GRK4: variants seen among roughly 807,000 people sequenced by gnomAD.
GRK4 encodes G protein-coupled receptor kinase 2-like.
GRK4 carries 73 observed loss-of-function variants against 77.9 expected under a neutral mutation model. The observed-to-expected ratio is 0.94, with a 90% CI of 0.78 to 1.14. GRK4 has a LOEUF of 1.14. Ranked by LOEUF, GRK4 falls within the 50% of genes most tolerant of loss-of-function variation. The pLI is 0.00. For missense variants in GRK4, 729 were observed against 700.2 expected (o/e 1.04, Z -0.46); for synonymous variants, 257 against 254.4 (o/e 1.01, Z -0.10).
intron 15 of GRK4, 48 bp downstream of exon 15, chr4:3,038,561 A>AT: frequency 1.3e-6 from 2 of 1,563,642 alleles, no homozygotes; most frequent in Admixed American, 4.1e-5. Flanking sequence ...TGAAAAAAAA[A>AT]AAAACATACT....
chr4:3,025,317 G>A (rs180987054), intron 10 of GRK4, among the ~76,000 whole-genome samples: 154 of 150,274 alleles, frequency 1.0e-3, no homozygotes, highest in African/African-American at 3.2e-3. Flanking sequence ...CCTTCTGTGC[G>A]GTTAAACCAC....
At chr4:2,969,152 A>G (rs1048629572) in intron 1 of GRK4, 1 of 152,406 alleles carries the variant, frequency 6.6e-6, no homozygotes, top group African/African-American at 2.4e-5. Context: ...GATCAGAGAG[A>G]TGCTGAAGGT....
chr4:3,000,401 TGA>T (rs1729167235), intron 4 of GRK4, among the ~76,000 whole-genome samples: 1 of 152,154 alleles, frequency 6.6e-6, no homozygotes, highest in African/African-American at 2.4e-5. Flanking sequence ...TCAGAAAAAT[TGA>T]GACTTTGGAG....
At chr4:3,027,019 C>T (rs1343508394) in intron 10 of GRK4, among the ~76,000 whole-genome samples, 1 of 152,202 alleles carries the variant, frequency 6.6e-6, no homozygotes, top group Non-Finnish European at 1.5e-5. Context: ...TCTTTCTACA[C>T]ACTCAACAGA....
At chr4:2,966,675 A>G (rs1285829595) in intron 1 of GRK4, 2 of 152,224 alleles carry the variant, frequency 1.3e-5, no homozygotes, top group African/African-American at 4.8e-5. Context: ...AGTATCTCCC[A>G]GGAAGTACCA....
intron 4 of GRK4, among the ~76,000 whole-genome samples, chr4:3,001,323 A>G (rs1729714159): frequency 7.2e-6 from 1 of 138,132 alleles, no homozygotes; most frequent in Non-Finnish European, 1.5e-5. Context: ...GTGTGAGTAC[A>G]TATACACACA....
At chr4:2,964,220 C>T (rs1716705420) in intron 1 of GRK4, 98 bp downstream of exon 1, 2 of 1,047,810 alleles carry the variant, frequency 1.9e-6, no homozygotes, top group South Asian at 2.8e-5. Flanking sequence ...CCCGGAGAAC[C>T]CCGATTTCCC....
In GRK4 at chr4:2,963,863, C is replaced by G. The variant is rs930429095; in HGVS notation, c.-208C>G. ...CCCCCTCCCCTCGCCCCGACCGCTCCCCTGCTGGTGAGGGCCTGCGGAGGC... is the reference window on the plus strand; with the variant it reads ...CCCCCTCCCCTCGCCCCGACCGCTCGCCTGCTGGTGAGGGCCTGCGGAGGC... On this transcript the variant is annotated 5_prime_UTR_variant, in exon 1 of 16. Transcript: ENST00000398052. The G allele has an allele frequency of 2.3e-5, 14 of 601,608 alleles. No individual in the cohort carries two copies. Among genetic ancestry groups the G allele is most frequent in the African/African-American group, 3.9e-5 (2 of 51,360 alleles). The allele number at this position is 601,608 out of a possible 1,614,324, so 37.3% of individuals were successfully genotyped here. A position where few individuals can be genotyped will look rare whatever the true frequency, so the allele number is the denominator to read the frequency against.
chr4:2,986,354 C>CTTTTTTTTTT lies in GRK4; in HGVS notation c.148+1758_148+1767dup, dbSNP rs36001597. ...GTTCTTTATATATAAAAGGTGTTAT[C>CTTTTTTTTTT]TTTTTTTTTTTTTTTTTTTTTGAGA... On this transcript the variant is annotated intron_variant, in intron 2 of 15. Coordinates refer to ENST00000398052, the MANE Select transcript of GRK4 (RefSeq NM_182982.3). Among the ~76,000 whole-genome samples the CTTTTTTTTTT allele has an allele frequency of 3.8e-4, 28 of 73,258 alleles. 1 individual carries two copies. Among genetic ancestry groups the CTTTTTTTTTT allele is most frequent in the African/African-American group, 1.4e-3 (25 of 17,750 alleles). The allele number at this position is 73,258 out of a possible 152,430, so 48.1% of individuals were successfully genotyped here.
At chr4:2,987,846 C>G (rs1477749006) in intron 2 of GRK4, among the ~76,000 whole-genome samples, 1 of 151,940 alleles carries the variant, frequency 6.6e-6, no homozygotes, top group African/African-American at 2.4e-5. Flanking sequence ...CAAGCCAAGG[C>G]AGGTGGATCA....
chr4:3,019,041 G>A (rs1434252485), intron 8 of GRK4, among the ~76,000 whole-genome samples: 4 of 152,150 alleles, frequency 2.6e-5, no homozygotes, highest in Non-Finnish European at 4.4e-5. Flanking sequence ...GTGTATGTGT[G>A]TGTGTGTGAA....
At chr4:3,012,467 A>G (rs1389783868) in intron 7 of GRK4, among the ~76,000 whole-genome samples, 2 of 152,206 alleles carry the variant, frequency 1.3e-5, no homozygotes, top group African/African-American at 4.8e-5. Flanking sequence ...ATTACGGGTG[A>G]GTTTTTATCA....
At position 2,963,580 on chromosome 4, in the gene GRK4, C is replaced by A. The variant is rs555027244; in HGVS notation, c.-491C>A. ...GGGCCTTCTGGGAGCTGTAGTGCCC[C>A]GGCCGCGGCGGCGAGGGGCGCTCCC... On this transcript the variant is annotated 5_prime_UTR_variant, in exon 1 of 16. Transcript: ENST00000398052. 4.4e-6 allele frequency: 2 copies of A among 458,000 alleles called. No homozygotes were observed. Among genetic ancestry groups the A allele is most frequent in the Non-Finnish European group, 7.6e-6 (2 of 263,022 alleles). 28.4% of individuals were successfully genotyped at this position (458,000 alleles called of 1,614,324 possible).
chr4:3,002,291 A>G (rs1459015715), intron 4 of GRK4, among the ~76,000 whole-genome samples: 2 of 152,060 alleles, frequency 1.3e-5, no homozygotes, highest in East Asian at 3.9e-4. Flanking sequence ...AGCTCTATAG[A>G]CGTCAGCACA....
chr4:3,018,001 G>A (rs1735006500), intron 8 of GRK4, among the ~76,000 whole-genome samples: 1 of 151,536 alleles, frequency 6.6e-6, no homozygotes, highest in African/African-American at 2.4e-5. Context: ...AAAGTGAAAG[G>A]GATTAAGGTT....
At chr4:3,007,153 G>T (rs972133609) in intron 5 of GRK4, among the ~76,000 whole-genome samples, 39 of 152,188 alleles carry the variant, frequency 2.6e-4, no homozygotes, top group Admixed American at 6.5e-5. Context: ...ATTGAGCCAT[G>T]ATTGTGCCAT....
intron 4 of GRK4, 124 bp downstream of exon 4, chr4:2,992,416 A>G (rs1726498311): frequency 1.6e-6 from 1 of 606,900 alleles, no homozygotes; most frequent in Non-Finnish European, 2.9e-6. Context: ...GTGATGCCTG[A>G]CGCCTGTAAT....
At chr4:3,023,322 A>G (rs1340054614) in intron 10 of GRK4, among the ~76,000 whole-genome samples, 1 of 152,192 alleles carries the variant, frequency 6.6e-6, no homozygotes, top group Non-Finnish European at 1.5e-5. Context: ...TTGTGCTCAC[A>G]CATAGCTCAC....
At chr4:3,005,829 T>TA (rs937006197) in intron 5 of GRK4, among the ~76,000 whole-genome samples, 3 of 151,754 alleles carry the variant, frequency 2.0e-5, no homozygotes, top group African/African-American at 7.3e-5. Flanking sequence ...TAAATAAAAA[T>TA]AAAAAACAAG....
Sources: allele counts gnomAD v4.1 joint callset (sites outside exome capture counted in the v4.1 genomes callset), GRCh38; gene constraint gnomAD v4.1.1; transcripts MANE v1.5; gene names NCBI Gene and HGNC (gene_info 2026-07-23, HGNC 2026-07-21).